EDRF1: variants seen among roughly 807,000 people sequenced by gnomAD.
EDRF1 encodes the protein erythroid differentiation regulatory factor 1, also known as erythroid differentiation-related factor 1.
Under a neutral mutation model 148.7 loss-of-function variants are expected in EDRF1, and 69 were observed. That is an observed-to-expected ratio of 0.46 (90% confidence interval 0.38 to 0.57). The LOEUF is 0.57. Ranked by LOEUF, EDRF1 falls within the 20% of genes least tolerant of loss-of-function variation. The pLI, the probability that EDRF1 is intolerant of heterozygous loss-of-function variation, is 0.00. For synonymous variants in EDRF1, 515 were observed against 532.8 expected, an observed-to-expected ratio of 0.97 and a Z score of 0.46; for missense variants, 1,118 against 1,478.7, an observed-to-expected ratio of 0.76 and a Z score of 4.00.
At chr10:125,754,461 C>G (rs1364640799) in intron 24 of EDRF1, among the ~76,000 whole-genome samples, 8 of 152,212 alleles carry the variant, frequency 5.3e-5, no homozygotes, top group Non-Finnish European at 1.0e-4. Flanking sequence ...ATCTGCGTTT[C>G]TAGTGATGCT....
chr10:125,740,062 G>C (rs2133715915), intron 15 of EDRF1, among the ~76,000 whole-genome samples: 1 of 152,322 alleles, frequency 6.6e-6, no homozygotes, highest in African/African-American at 2.4e-5. Context: ...GTGAGACTGA[G>C]AAACATGCAA....
At chr10:125,720,032 A>C in intron 1 of EDRF1, 117 bp downstream of exon 1, 1 of 863,376 alleles carries the variant, frequency 1.2e-6, no homozygotes, top group Non-Finnish European at 1.8e-6. Flanking sequence ...TTTCCCTGAC[A>C]CCCCCAAAAC....
intron 3 of EDRF1, among the ~76,000 whole-genome samples, chr10:125,723,601 CAT>C (rs1240069676): frequency 6.6e-6 from 1 of 152,136 alleles, no homozygotes; most frequent in Non-Finnish European, 1.5e-5. Flanking sequence ...CTGTCACTAA[CAT>C]AATGTGACTC....
chr10:125,741,292 T>TCAAAACTCTAATATTTC, intron 17 of EDRF1, 91 bp downstream of exon 17: 1 of 1,163,126 alleles, frequency 8.6e-7, no homozygotes, highest in Non-Finnish European at 1.3e-6. Flanking sequence ...GGTAGAAATA[T>TCAAAACTCTAATATTTC]TAGAGTTTTG....
At chr10:125,749,342 TAAG>T in intron 21 of EDRF1, 67 bp from the exon 22 acceptor site, 2 of 1,585,960 alleles carry the variant, frequency 1.3e-6, no homozygotes, top group Non-Finnish European at 1.7e-6. Flanking sequence ...GAAAAATAAC[TAAG>T]AAGCACTTAG....
At position 125,753,746 on chromosome 10, in the gene EDRF1, GAGA is replaced by G. The variant is rs1285280197; in HGVS notation, c.3452_3454del (p.Glu1151del). The G allele has an allele frequency of 3.1e-6, 5 of 1,613,814 alleles. No individual in the cohort carries two copies. Among genetic ancestry groups the G allele is most frequent in the African/African-American group, 2.7e-5 (2 of 74,842 alleles). On this transcript the variant is annotated inframe_deletion, in exon 24 of 25. Transcript: ENST00000356792. ...GCTGATGCTTCTCCTAGTCTCAATC[GAGA>G]AGAAGTGATGAAACTCCTCAGTATA...
At chr10:125,737,066 T>C (rs1243992781) in intron 13 of EDRF1, among the ~76,000 whole-genome samples, 1 of 152,172 alleles carries the variant, frequency 6.6e-6, no homozygotes, top group Non-Finnish European at 1.5e-5. Flanking sequence ...ACTGTCCATC[T>C]AAATTTTAGT....
chr10:125,738,361 C>A lies in EDRF1; in HGVS notation c.1897C>A (p.Pro633Thr). Reference sequence around the variant, plus strand: ...CCTTCCAGCAGCTGACCCCAGCACTCCAATCCCGTTAAAATATGAAGATGA... The same window carrying A: ...CCTTCCAGCAGCTGACCCCAGCACTACAATCCCGTTAAAATATGAAGATGA... The part of the protein sequence containing the change: ...SDLPAADPST[P>T]IPLKYEDESS... Residue 633 changes from proline to threonine, a missense_variant, in exon 15 of 25, where the codon CCA (proline) becomes ACA (threonine). Pro to Thr is a conservative substitution (Grantham distance 38). This residue lies in a region of EDRF1 where 954 missense variants were observed against 1,241.4 expected (regional missense o/e 0.77). Transcript: ENST00000356792. 1 of 1,614,080 alleles carries A rather than the reference C, an allele frequency of 6.2e-7. No individual in the cohort carries two copies. Among genetic ancestry groups the A allele is most frequent in the South Asian group, 1.1e-5 (1 of 91,084 alleles).
rs1216546181 is a variant in EDRF1 at position 125,733,701 on chromosome 10, A to G, written c.1343A>G (p.Tyr448Cys). 31 of 1,613,598 alleles carry G rather than the reference A, an allele frequency of 1.9e-5. No homozygotes were observed. The highest frequency in any genetic ancestry group is 2.5e-5 in the Non-Finnish European group (30 of 1,179,596). The change falls in exon 11 of 25, where the codon TAC (tyrosine) becomes TGC (cysteine). Residue 448 changes from tyrosine (Y) to cysteine (C), a missense_variant. Physicochemically the swap from Tyr to Cys is radical, Grantham distance 194. Coordinates refer to ENST00000356792, the MANE Select transcript of EDRF1 (RefSeq NM_001202438.2). Reference protein sequence around the residue: ...TTLCEETEDKYQNPFTMPVAI... With the variant: ...TTLCEETEDKCQNPFTMPVAI... ...CTTTGTGAAGAAACTGAAGACAAAT[A>G]CCAAAATCCATTCACAATGCCGGTA...
At chr10:125,753,905 C>T in intron 24 of EDRF1, 60 bp downstream of exon 24, 2 of 1,581,488 alleles carry the variant, frequency 1.3e-6, no homozygotes, top group Middle Eastern at 2.3e-4. Context: ...TAAAAATTTT[C>T]TCTACTAACA....
intron 24 of EDRF1, among the ~76,000 whole-genome samples, chr10:125,760,863 A>T (rs1167990050): frequency 6.6e-6 from 1 of 152,234 alleles, no homozygotes; most frequent in Non-Finnish European, 1.5e-5. Context: ...ATATAGTATA[A>T]CAACTATTTA....
chr10:125,740,793 C>A (rs1023407517), intron 16 of EDRF1, 142 bp downstream of exon 16: 2 of 1,124,934 alleles, frequency 1.8e-6, no homozygotes, highest in South Asian at 1.3e-5. Context: ...GTGTGTGTTA[C>A]CTTCTATTTT....
At chr10:125,762,264 C>G (rs1380830630) in intron 24 of EDRF1, among the ~76,000 whole-genome samples, 1 of 152,184 alleles carries the variant, frequency 6.6e-6, no homozygotes. Flanking sequence ...GGTGAAAGAG[C>G]ATAGCATTTG....
chr10:125,744,876 C>CCT (rs2133733735), intron 18 of EDRF1: 1 of 152,322 alleles, frequency 6.6e-6, no homozygotes, highest in South Asian at 2.1e-4. Flanking sequence ...AGTGCTTTTT[C>CCT]CTATACATAC....
chr10:125,745,970 A>G (rs1178727398), intron 19 of EDRF1, 40 bp downstream of exon 19: 1 of 1,584,360 alleles, frequency 6.3e-7, no homozygotes, highest in African/African-American at 1.3e-5. Flanking sequence ...ACCCATTCAC[A>G]CCTGTCATTT....
At chr10:125,745,642 G>A in intron 18 of EDRF1, 65 bp from the exon 19 acceptor site, 2 of 1,539,286 alleles carry the variant, frequency 1.3e-6, no homozygotes, top group Non-Finnish European at 1.8e-6. Flanking sequence ...ATCTCATCAA[G>A]AGACAGTGCT....
chr10:125,743,485 T>G (rs929962906), intron 18 of EDRF1, among the ~76,000 whole-genome samples: 1 of 152,206 alleles, frequency 6.6e-6, no homozygotes, highest in African/African-American at 2.4e-5. Flanking sequence ...CATTCTTACT[T>G]TTGTACTCAC....
At chr10:125,723,470 T>G (rs151110165) in intron 3 of EDRF1, among the ~76,000 whole-genome samples, 4 of 152,328 alleles carry the variant, frequency 2.6e-5, no homozygotes, top group Non-Finnish European at 5.9e-5. Context: ...ATATTTCTAG[T>G]AAAATCTATT....
At chr10:125,740,362 A>T in intron 15 of EDRF1, 101 bp from the exon 16 acceptor site, 1 of 1,191,968 alleles carries the variant, frequency 8.4e-7, no homozygotes, top group Non-Finnish European at 1.2e-6. Flanking sequence ...CTTGTCACCT[A>T]AGTCTAGAGT....
Sources: gnomAD v4.1 joint callset for allele counts (sites outside exome capture counted in the v4.1 genomes callset) on GRCh38, gnomAD v4.1.1 for gene constraint, gnomAD v4.1.1 regional missense constraint, MANE v1.5 for transcripts, NCBI Gene and HGNC (gene_info 2026-07-23, HGNC 2026-07-21) for gene names.